The following NLRP1 variants were observed in gnomAD, a reference collection of about 807,000 sequenced individuals.
The protein encoded by NLRP1 is NACHT, LRR and PYD domains-containing protein 1.
In NLRP1, 94 loss-of-function variants were observed where a neutral mutation model predicts 136.7. The observed-to-expected ratio is 0.69, with a 90% CI of 0.58 to 0.82. The LOEUF (loss-of-function observed/expected upper bound fraction) is 0.82. Among genes scored for constraint, NLRP1 ranks in the 40% least tolerant of loss-of-function variants. NLRP1 has a pLI of 0.00. For synonymous variants in NLRP1, 690 were observed against 725.1 expected (o/e 0.95, Z 0.78); for missense variants, 1,575 against 1,802.7 (o/e 0.87, Z 2.29).
Position 5,558,793 on chromosome 17 carries a change from A to G in NLRP1, c.1903T>C (p.Tyr635His), listed in dbSNP as rs765241865. ...CFQEFFAAMS[Y>H]VLEDEKGRGK... Reference sequence around the variant, plus strand: ...CTCCCCTTCTCATCCTCCAAGACATAGGACATTGCTGCAAAGAACTCTTGG... The same window carrying G: ...CTCCCCTTCTCATCCTCCAAGACATGGGACATTGCTGCAAAGAACTCTTGG... Residue 635 changes from tyrosine (Y) to histidine (H), a missense_variant, in exon 4 of 17, where the codon TAT (tyrosine) becomes CAT (histidine). Coordinates refer to ENST00000572272, the MANE Select transcript of NLRP1 (RefSeq NM_033004.4). The G allele has an allele frequency of 1.2e-5, 19 of 1,614,174 alleles. No homozygotes were observed. The highest frequency in any genetic ancestry group is 1.7e-5 in the Admixed American group (1 of 60,016).
chr17:5,579,598 G>C (rs1121814), intron 3 of NLRP1, among the ~76,000 whole-genome samples: 2 of 151,972 alleles, frequency 1.3e-5, no homozygotes, highest in African/African-American at 2.4e-5. Context: ...TATACCCAAA[G>C]GAATGTAGAG....
At chr17:5,576,048 G>A (rs1234803078) in intron 3 of NLRP1, among the ~76,000 whole-genome samples, 15 of 152,150 alleles carry the variant, frequency 9.9e-5, no homozygotes, top group Admixed American at 9.2e-4. Context: ...CGAAATGAAG[G>A]CAGAAATAAA....
intron 5 of NLRP1, among the ~76,000 whole-genome samples, chr17:5,550,462 G>C (rs1053027433): frequency 5.9e-5 from 9 of 151,906 alleles, no homozygotes; most frequent in African/African-American, 2.2e-4. Context: ...TTTCATCTGG[G>C]TTATCTAATT....
Position 5,517,795 on chromosome 17 carries a change from C to T in NLRP1, c.4008G>A (p.Val1336=). 1 of 1,614,204 alleles carries T rather than the reference C, an allele frequency of 6.2e-7. No individual in the cohort carries two copies. The highest frequency in any genetic ancestry group is 8.5e-7 in the Non-Finnish European group (1 of 1,180,038). The change falls in exon 15 of 17, where the codon GTG becomes GTA. Residue 1336 remains valine (V), a synonymous_variant. Transcript: ENST00000572272. The part of the protein sequence containing the change: ...GHLGSGIRLQ[V]KDKKDETLVW... ...CCAGAGTCTCATCTTTCTTGTCTTT[C>T]ACTTGCAGCCTGATCCCTGATCCCA...
In NLRP1 at chr17:5,530,623, C is replaced by T. The variant is rs1203787010; in HGVS notation, c.3378G>A (p.Glu1126=). The change falls in exon 12 of 17, where the codon GAG becomes GAA. Residue 1126 remains glutamate, a synonymous_variant. Coordinates refer to ENST00000572272, the MANE Select transcript of NLRP1 (RefSeq NM_033004.4). ...CFVMREAVTV[E]IEFCVWDQFL... is the part of the protein sequence containing the mutation. ...ACTGGTCCCACACACAGAATTCAAT[C>T]TCAACGGTCACCGCTTCTCTCATCA... is the stretch of plus-strand genomic sequence containing the variant. 1 of 1,614,242 alleles carries T rather than the reference C, an allele frequency of 6.2e-7. No individual in the cohort carries two copies. Among genetic ancestry groups the T allele is most frequent in the Admixed American group, 1.7e-5 (1 of 60,028 alleles).
chr17:5,537,016 G>A lies in NLRP1; in HGVS notation c.2871-76C>T. ...CAGGTCCCCAGGGCCCAGAATCCTGGGACCTGTCACCTTCTGAGGCAGCGG... is the reference window on the plus strand; with the variant it reads ...CAGGTCCCCAGGGCCCAGAATCCTGAGACCTGTCACCTTCTGAGGCAGCGG... On this transcript the variant is annotated intron_variant, in intron 7 of 16. Coordinates refer to ENST00000572272, the MANE Select transcript of NLRP1 (RefSeq NM_033004.4). The surrounding 1 kb of genome is among the most constrained non-coding windows in gnomAD (Gnocchi z 4.5). 1 of 1,054,058 alleles carries A rather than the reference G, an allele frequency of 9.5e-7. No homozygotes were observed. The highest frequency in any genetic ancestry group is 1.3e-5 in the South Asian group (1 of 79,122). 65.3% of individuals were successfully genotyped at this position (1,054,058 alleles called of 1,614,324 possible).
Position 5,582,796 on chromosome 17 carries a change from G to C in NLRP1, c.322C>G (p.Pro108Ala), listed in dbSNP as rs141118572. ...YSPSEPHLGS[P>A]SQPTSTAVLM... Reference sequence around the variant, plus strand: ...ACTGCGGTGGAGGTGGGTTGGCTGGGAGACCCCAGGTGGGGTTCACTTGGG... The same window carrying C: ...ACTGCGGTGGAGGTGGGTTGGCTGGCAGACCCCAGGTGGGGTTCACTTGGG... Residue 108 changes from proline (P) to alanine (A), a missense_variant, in exon 2 of 17, where the codon CCC (proline) becomes GCC (alanine). Coordinates refer to ENST00000572272, the MANE Select transcript of NLRP1 (RefSeq NM_033004.4). 1.9e-6 allele frequency: 3 copies of C among 1,613,868 alleles called. No homozygotes were observed. The highest frequency in any genetic ancestry group is 3.3e-5 in the Admixed American group (2 of 59,984).
chr17:5,543,486 T>A (rs1402257135), intron 5 of NLRP1, among the ~76,000 whole-genome samples: 1 of 152,120 alleles, frequency 6.6e-6, no homozygotes, highest in Non-Finnish European at 1.5e-5. Flanking sequence ...GATGTCATTA[T>A]AAGATGTTTA....
At chr17:5,581,147 C>T (rs1905593460) in intron 3 of NLRP1, among the ~76,000 whole-genome samples, 1 of 152,152 alleles carries the variant, frequency 6.6e-6, no homozygotes, top group Admixed American at 6.5e-5. Flanking sequence ...AGGAGGCATC[C>T]TCCGGCATTG....
intron 5 of NLRP1, among the ~76,000 whole-genome samples, chr17:5,547,002 G>T (rs1212646065): frequency 6.6e-6 from 1 of 152,152 alleles, no homozygotes; most frequent in African/African-American, 2.4e-5. Flanking sequence ...GTAGGTGTTG[G>T]TGCTGGGTCT....
At position 5,553,369 on chromosome 17, in the gene NLRP1, A is replaced by T; in HGVS notation, c.2528+17T>A. The T allele has an allele frequency of 6.2e-7, 1 of 1,603,108 alleles. No homozygotes were observed. The highest frequency in any genetic ancestry group is 8.5e-7 in the Non-Finnish European group (1 of 1,173,014). ...TTCCCCATCCCTGCTTCAGAACAGA[A>T]CCCAGGCCAGACTCACCGCAGGGTC... On this transcript the variant is annotated intron_variant, in intron 5 of 16. Transcript: ENST00000572272.
chr17:5,559,859 T>G lies in NLRP1; in HGVS notation c.837A>C (p.Thr279=). 6.2e-7 allele frequency: 1 copy of G among 1,614,250 alleles called. No individual in the cohort carries two copies. Among genetic ancestry groups the G allele is most frequent in the Admixed American group, 1.7e-5 (1 of 60,028 alleles). ...WKNEDFNQKF[T]QLLLLQRPHP... The stretch of plus-strand genomic sequence containing the variant: ...GAGGTCTTTGTAGAAGTAGCAGCTG[T>G]GTGAATTTTTGGTTAAAATCCTCAT... Residue 279 remains threonine (T), a synonymous_variant, in exon 4 of 17, where the codon ACA becomes ACC. Coordinates refer to ENST00000572272, the MANE Select transcript of NLRP1 (RefSeq NM_033004.4).
downstream of NLRP1, chr17:5,512,038 T>A: frequency 1.6e-6 from 1 of 641,688 alleles, no homozygotes; most frequent in Non-Finnish European, 2.9e-6. Flanking sequence ...TACTAGTTGT[T>A]ATCAAAAATT....
chr17:5,551,174 A>T (rs34337726), intron 5 of NLRP1, among the ~76,000 whole-genome samples: 7,239 of 152,250 alleles, frequency 0.048, 200 homozygotes, highest in Middle Eastern at 0.085. Context: ...CTAAAACTCT[A>T]CTGTGCTCTA....
At chr17:5,573,937 A>G (rs538241249) in intron 3 of NLRP1, among the ~76,000 whole-genome samples, 14 of 152,370 alleles carry the variant, frequency 9.2e-5, no homozygotes, top group African/African-American at 2.6e-4. Flanking sequence ...CTCGCCAGCA[A>G]TGGAACAAAG....
At chr17:5,555,583 C>G (rs924352874) in intron 4 of NLRP1, among the ~76,000 whole-genome samples, 1 of 152,094 alleles carries the variant, frequency 6.6e-6, no homozygotes, top group Non-Finnish European at 1.5e-5. Flanking sequence ...GTCTCTGCCT[C>G]TAGCTGCTTG....
Position 5,514,664 on chromosome 17 carries a change from A to G in NLRP1, c.*90T>C, listed in dbSNP as rs896001521. On this transcript the variant is annotated 3_prime_UTR_variant, in exon 17 of 17. Transcript: ENST00000572272. ...ACTTTAGTGCTGGAAGGCAAACCAGATGGCAACTTGTTTGCAGAGAAAGAA... is the reference window on the plus strand; with the variant it reads ...ACTTTAGTGCTGGAAGGCAAACCAGGTGGCAACTTGTTTGCAGAGAAAGAA... 4 of 1,555,840 alleles carry G rather than the reference A, an allele frequency of 2.6e-6. No individual in the cohort carries two copies. The African/African-American group carries it at 5.4e-5, about 21-fold the overall frequency.
chr17:5,546,514 C>G (rs1256753597), intron 5 of NLRP1, among the ~76,000 whole-genome samples: 1 of 152,170 alleles, frequency 6.6e-6, no homozygotes, highest in East Asian at 1.9e-4. Flanking sequence ...GCTCTCCAAC[C>G]CCACTCCCGC....
rs563647535 is a variant in NLRP1, at chr17:5,578,835, A to G, written c.652+3024T>C. On this transcript the variant is annotated intron_variant, in intron 3 of 16. Coordinates refer to ENST00000572272, the MANE Select transcript of NLRP1 (RefSeq NM_033004.4). ...ACGTATGTTTATTGTGGCACTATTT[A>G]CAATAGCAAAGACTTGGAACCAACC... Among the ~76,000 whole-genome samples, 7 of 152,372 alleles carry G rather than the reference A, an allele frequency of 4.6e-5. 1 individual carries two copies. The South Asian group carries it at 1.4e-3, about 32-fold the overall frequency.
Sources: allele counts gnomAD v4.1 joint callset (sites outside exome capture counted in the v4.1 genomes callset), GRCh38; gene constraint gnomAD v4.1.1; non-coding constraint Gnocchi (gnomAD v3.1); transcripts MANE v1.5; gene names NCBI Gene and HGNC (gene_info 2026-07-23, HGNC 2026-07-21).